ITFG1: variants seen among roughly 807,000 people sequenced by gnomAD.
ITFG1 encodes integrin alpha FG-GAP repeat containing 1, also known as T-cell immunomodulatory protein.
A neutral mutation model predicts 81.8 loss-of-function variants in ITFG1; 34 were observed. That is an observed-to-expected ratio of 0.42 (90% CI 0.32 to 0.55). The LOEUF is 0.55. Among genes scored for constraint, ITFG1 ranks in the 20% least tolerant of loss-of-function variants. ITFG1 has a pLI of 0.17. For synonymous variants in ITFG1, 285 were observed against 270.6 expected, an observed-to-expected ratio of 1.05 and a Z score of -0.52; for missense variants, 672 against 755.4, an observed-to-expected ratio of 0.89 and a Z score of 1.29.
intron 14 of ITFG1, among the ~76,000 whole-genome samples, chr16:47,175,207 G>A (rs1965009603): frequency 6.6e-6 from 1 of 152,032 alleles, no homozygotes; most frequent in Admixed American, 6.5e-5. Flanking sequence ...GCCAGAATCT[G>A]TGGCAAGTAC....
In ITFG1 at chr16:47,237,500, C is replaced by T. The variant is rs542287360; in HGVS notation, c.1374+465G>A. Among the ~76,000 whole-genome samples the T allele has an allele frequency of 4.6e-5, 7 of 152,298 alleles. No individual in the cohort carries two copies. The East Asian group carries it at 1.3e-3, about 29-fold the overall frequency. On this transcript the variant is annotated intron_variant, in intron 13 of 17. Transcript: ENST00000320640. The stretch of plus-strand genomic sequence containing the variant: ...GTCTGTCAAAAACTAATTATTTTCA[C>T]ATTTGTTATTTCACTGAAACATTCT...
At chr16:47,347,609 C>A (rs1485518084) in intron 8 of ITFG1, among the ~76,000 whole-genome samples, 1 of 152,236 alleles carries the variant, frequency 6.6e-6, no homozygotes, top group Non-Finnish European at 1.5e-5. Flanking sequence ...GTAGACTCCA[C>A]CTCTGGGGGC....
rs543484383 is a variant in ITFG1, at chr16:47,439,665, T to A, written c.561-10767A>T. Among the ~76,000 whole-genome samples the A allele has an allele frequency of 7.9e-5, 12 of 152,184 alleles. No individual in the cohort carries two copies. The South Asian group carries it at 2.5e-3, about 32-fold the overall frequency. On this transcript the variant is annotated intron_variant, in intron 5 of 17. Transcript: ENST00000320640. ...GATTTTGTCACCACCAGGCCTGCCC[T>A]AAAAGAGCTCCTGAAGGAAGCACTA...
chr16:47,459,145 T>G lies in ITFG1; in HGVS notation c.239A>C (p.Gln80Pro). The change falls in exon 2 of 18, where the codon CAG becomes CCG. Residue 80 changes from glutamine to proline, a missense_variant. Around this residue, in one of 3 missense-constraint regions of ITFG1, gnomAD observed 560 missense variants for 625.7 expected, o/e 0.90. Transcript: ENST00000320640. ...RNDLIVFLADQNAPYFKPKVK... is the reference protein window; with the variant it reads ...RNDLIVFLADPNAPYFKPKVK... Reference sequence around the variant, plus strand: ...TTTGGGTTTAAAATAGGGTGCATTCTGGTCTGCCAAAAAGACGATTAAGTC... The same window carrying G: ...TTTGGGTTTAAAATAGGGTGCATTCGGGTCTGCCAAAAAGACGATTAAGTC... 1 of 1,601,564 alleles carries G rather than the reference T, an allele frequency of 6.2e-7. No individual in the cohort carries two copies. Among genetic ancestry groups the G allele is most frequent in the Non-Finnish European group, 8.6e-7 (1 of 1,168,836 alleles).
At chr16:47,195,606 C>T (rs1965348701) in intron 14 of ITFG1, among the ~76,000 whole-genome samples, 1 of 152,162 alleles carries the variant, frequency 6.6e-6, no homozygotes, top group African/African-American at 2.4e-5. Context: ...TCTGACTTAT[C>T]ATATTCCTTC....
intron 10 of ITFG1, among the ~76,000 whole-genome samples, chr16:47,278,765 T>C (rs1189704064): frequency 6.6e-6 from 1 of 152,098 alleles, no homozygotes; most frequent in Non-Finnish European, 1.5e-5. Flanking sequence ...GAAGGGAAAA[T>C]AACTCAGCAA....
At chr16:47,329,665 T>C (rs372466757) in intron 8 of ITFG1, among the ~76,000 whole-genome samples, 1 of 152,306 alleles carries the variant, frequency 6.6e-6, no homozygotes, top group South Asian at 2.1e-4. Context: ...GTTTTATACA[T>C]GTATTATCTC....
In ITFG1 at chr16:47,330,430, AAAATTGAC is replaced by A. The variant is rs767981265; in HGVS notation, c.803-16615_803-16608del. Among the ~76,000 whole-genome samples, 181 of 152,234 alleles carry A rather than the reference AAAATTGAC, an allele frequency of 1.2e-3. 3 individuals are homozygous for A. Among genetic ancestry groups the A allele is most frequent in the East Asian group, 7.7e-4 (4 of 5,190 alleles). ...CTCAAAAGCAAGTGAAACAAAAATA[AAAATTGAC>A]AAGTTGAATCTAATGAAATTAAAGA... On this transcript the variant is annotated intron_variant, in intron 8 of 17. Coordinates refer to ENST00000320640, the MANE Select transcript of ITFG1 (RefSeq NM_030790.5).
chr16:47,209,802 T>C (rs1047594341), intron 14 of ITFG1, among the ~76,000 whole-genome samples: 1 of 152,234 alleles, frequency 6.6e-6, no homozygotes, highest in African/African-American at 2.4e-5. Flanking sequence ...AATAGAATCA[T>C]ATAGTATATA....
At chr16:47,459,524 G>A (rs770680140) in intron 1 of ITFG1, among the ~76,000 whole-genome samples, 13 of 152,146 alleles carry the variant, frequency 8.5e-5, no homozygotes, top group Non-Finnish European at 1.8e-4. Flanking sequence ...TGTCTTCCCC[G>A]AATCTAGCAA....
chr16:47,177,756 T>C (rs1014336616), intron 14 of ITFG1, among the ~76,000 whole-genome samples: 11 of 152,184 alleles, frequency 7.2e-5, no homozygotes, highest in African/African-American at 2.4e-5. Flanking sequence ...ACCTTTTAAA[T>C]AAAAATTATC....
intron 8 of ITFG1, among the ~76,000 whole-genome samples, chr16:47,347,416 G>T (rs753513788): frequency 1.9e-4 from 29 of 152,274 alleles, no homozygotes; most frequent in Non-Finnish European, 4.0e-4. Context: ...ATGGCTGGGA[G>T]GGTCTCACGC....
At chr16:47,336,469 T>C (rs1215080219) in intron 8 of ITFG1, among the ~76,000 whole-genome samples, 1 of 152,230 alleles carries the variant, frequency 6.6e-6, no homozygotes, top group Admixed American at 6.5e-5. Flanking sequence ...TGTGTATGTC[T>C]GTTCTAACGT....
At chr16:47,277,408 A>T (rs1279699935) in intron 10 of ITFG1, among the ~76,000 whole-genome samples, 1 of 152,164 alleles carries the variant, frequency 6.6e-6, no homozygotes, top group Non-Finnish European at 1.5e-5. Context: ...GCCATAGGAA[A>T]TATGTACAAG....
At chr16:47,440,951 A>C (rs1969240770) in intron 5 of ITFG1, among the ~76,000 whole-genome samples, 2 of 152,306 alleles carry the variant, frequency 1.3e-5, no homozygotes, top group African/African-American at 4.8e-5. Context: ...AAGACTAATA[A>C]AGAAGAAAAG....
intron 8 of ITFG1, among the ~76,000 whole-genome samples, chr16:47,339,542 A>C (rs919179247): frequency 6.6e-6 from 1 of 152,230 alleles, no homozygotes; most frequent in African/African-American, 2.4e-5. Flanking sequence ...AAATGAACCA[A>C]ACAGATACTC....
At chr16:47,321,966 A>G (rs546515732) in intron 8 of ITFG1, among the ~76,000 whole-genome samples, 1 of 152,346 alleles carries the variant, frequency 6.6e-6, no homozygotes, top group South Asian at 2.1e-4. Context: ...GAAGGGATAA[A>G]CAATTTCTTC....
intron 12 of ITFG1, among the ~76,000 whole-genome samples, chr16:47,241,306 A>G (rs1965930848): frequency 6.6e-6 from 1 of 152,214 alleles, no homozygotes. Flanking sequence ...ATATTCCAAG[A>G]AAAACAAAGA....
At chr16:47,289,429 G>C in intron 10 of ITFG1, among the ~76,000 whole-genome samples, 1 of 152,106 alleles carries the variant, frequency 6.6e-6, no homozygotes. Flanking sequence ...ATTGATATTA[G>C]TTCTTTATTT....
Sources: allele counts gnomAD v4.1 joint callset (sites outside exome capture counted in the v4.1 genomes callset), GRCh38; gene constraint gnomAD v4.1.1; regional missense constraint gnomAD v4.1.1; transcripts MANE v1.5; gene names NCBI Gene and HGNC (gene_info 2026-07-23, HGNC 2026-07-21).